The following AKAP8 variants were observed in gnomAD, a reference collection of about 807,000 sequenced individuals.
AKAP8 encodes A-kinase anchor protein 8.
Under a neutral mutation model 67.5 loss-of-function variants are expected in AKAP8, and 24 were observed. That is an observed-to-expected ratio of 0.36 (90% CI 0.26 to 0.50). The LOEUF is 0.50. AKAP8 is among the 20% of genes least tolerant of loss of function. The probability of loss-of-function intolerance (pLI) is 0.97; values close to 1 mark genes in which losing one functional copy is unlikely to be tolerated. For missense variants in AKAP8, 971 were observed against 955.9 expected (o/e 1.02, Z -0.21); for synonymous variants, 400 against 371.1 (o/e 1.08, Z -0.90).
intron 3 of AKAP8, 23 bp downstream of exon 3, chr19:15,374,580 A>T: frequency 1.3e-6 from 2 of 1,552,502 alleles, no homozygotes; most frequent in Non-Finnish European, 1.8e-6. Context: ...CCGCCCACAG[A>T]CCCCCCCCAC....
intron 2 of AKAP8, among the ~76,000 whole-genome samples, chr19:15,375,917 C>A (rs568983656): frequency 1.3e-5 from 2 of 151,644 alleles, no homozygotes; most frequent in Non-Finnish European, 2.9e-5. Context: ...GGATTACAGG[C>A]GTGAGCCACC....
chr19:15,375,837 A>T (rs182409733), intron 2 of AKAP8, among the ~76,000 whole-genome samples: 5,849 of 151,562 alleles, frequency 0.039, 366 homozygotes, highest in African/African-American at 0.13. Flanking sequence ...ACGGGGTTTC[A>T]CTGTGTTAGC....
chr19:15,355,600 G>A (rs1335766829), intron 13 of AKAP8, among the ~76,000 whole-genome samples: 1 of 151,756 alleles, frequency 6.6e-6, no homozygotes, highest in East Asian at 1.9e-4. Flanking sequence ...CTGTTGCCCA[G>A]GCTGGACTGC....
Position 15,369,868 on chromosome 19 carries a change from T to A in AKAP8, c.1072+278A>T, listed in dbSNP as rs1187155296. On this transcript the variant is annotated intron_variant, in intron 8 of 13. Coordinates refer to ENST00000269701, the MANE Select transcript of AKAP8 (RefSeq NM_005858.4). The surrounding 1 kb of genome is among the most constrained non-coding windows in gnomAD (Gnocchi z 4.6). The stretch of plus-strand genomic sequence containing the variant: ...CTCATGTTTCTCCTTCCCTACAAAC[T>A]TCGACTGTGGTGGACACCCAAGGCT... Among the ~76,000 whole-genome samples the A allele has an allele frequency of 6.6e-6, 1 of 152,216 alleles. No individual in the cohort carries two copies. The highest frequency in any genetic ancestry group is 1.9e-4 in the East Asian group (1 of 5,200).
intron 12 of AKAP8, among the ~76,000 whole-genome samples, chr19:15,360,142 A>AT (rs899489437): frequency 6.6e-6 from 1 of 152,076 alleles, no homozygotes; most frequent in Non-Finnish European, 1.5e-5. Flanking sequence ...TAAAAAAAAA[A>AT]CAAAAAAACA....
intron 1 of AKAP8, 28 bp downstream of exon 1, chr19:15,379,685 C>T (rs767384506): frequency 1.9e-6 from 3 of 1,605,050 alleles, no homozygotes; most frequent in African/African-American, 1.3e-5. Context: ...CTTCCCTCCC[C>T]GCTCCGCACC....
At chr19:15,361,162 T>G (rs1016156739) in intron 11 of AKAP8, among the ~76,000 whole-genome samples, 184 bp from the exon 12 acceptor site, 3 of 152,162 alleles carry the variant, frequency 2.0e-5, no homozygotes, top group Non-Finnish European at 2.9e-5. Context: ...ACTTTTCAGC[T>G]TTTCTGTTCC....
intron 12 of AKAP8, among the ~76,000 whole-genome samples, chr19:15,359,438 T>C (rs1038901942): frequency 1.3e-5 from 2 of 152,218 alleles, no homozygotes; most frequent in Non-Finnish European, 2.9e-5. Flanking sequence ...AGTATGAATA[T>C]GCTGGGTGTG....
chr19:15,356,609 G>A (rs927688698), intron 13 of AKAP8, among the ~76,000 whole-genome samples: 1 of 151,976 alleles, frequency 6.6e-6, no homozygotes, highest in Non-Finnish European at 1.5e-5. Flanking sequence ...ATCCAAGTCT[G>A]ACTCCCTCAG....
At position 15,373,047 on chromosome 19, in the gene AKAP8, G is replaced by T; in HGVS notation, c.665C>A (p.Thr222Lys). Residue 222 changes from threonine (T) to lysine (K), a missense_variant, in exon 5 of 14, where the codon ACG becomes AAG. By Grantham distance (78) the Thr-to-Lys change is moderately conservative. This residue lies in a region of AKAP8 where 763 missense variants were observed against 745.4 expected (regional missense o/e 1.02). Transcript: ENST00000269701. Reference sequence around the variant, plus strand: ...CACGTAGTTCAGCTCGTTCCAGGGCGTGGACAGGGGCTCAGAGGACGCAGC... The same window carrying T: ...CACGTAGTTCAGCTCGTTCCAGGGCTTGGACAGGGGCTCAGAGGACGCAGC... ...PPAASSEPLS[T>K]PWNELNYVGG... The T allele has an allele frequency of 6.2e-7, 1 of 1,602,634 alleles. No individual in the cohort carries two copies. Among genetic ancestry groups the T allele is most frequent in the Non-Finnish European group, 8.5e-7 (1 of 1,173,274 alleles).
chr19:15,375,946 T>C (rs1967245363), intron 2 of AKAP8, among the ~76,000 whole-genome samples: 1 of 151,582 alleles, frequency 6.6e-6, no homozygotes, highest in East Asian at 2.0e-4. Context: ...CCTTTTTTTT[T>C]TTGAGACAGG....
chr19:15,376,862 A>C (rs981346692), intron 2 of AKAP8, 114 bp downstream of exon 2: 2 of 1,222,528 alleles, frequency 1.6e-6, no homozygotes, highest in Middle Eastern at 2.1e-4. Context: ...CTTTTACACA[A>C]AGTTTGCTGA....
chr19:15,360,712 G>C, intron 12 of AKAP8, 136 bp downstream of exon 12: 1 of 1,120,434 alleles, frequency 8.9e-7, no homozygotes, highest in Non-Finnish European at 1.2e-6. Flanking sequence ...CGAATCTTAC[G>C]ACCCATCGAT....
Position 15,358,959 on chromosome 19 carries a change from G to A in AKAP8, c.1623+8C>T. On this transcript the variant is annotated splice_region_variant and intron_variant, in intron 13 of 13. Coordinates refer to ENST00000269701, the MANE Select transcript of AKAP8 (RefSeq NM_005858.4). The stretch of plus-strand genomic sequence containing the variant: ...CTTTTCCTGTCTGTGGTACTTGCAA[G>A]CACAAACCTTGAGGTATTTTTCCAG... The A allele has an allele frequency of 6.2e-7, 1 of 1,613,388 alleles. No homozygotes were observed. Among genetic ancestry groups the A allele is most frequent in the Non-Finnish European group, 8.5e-7 (1 of 1,179,372 alleles).
intron 9 of AKAP8, among the ~76,000 whole-genome samples, chr19:15,363,353 T>TGG (rs745575610): frequency 0.033 from 3,506 of 104,920 alleles, 145 homozygotes; most frequent in Non-Finnish European, 0.045. Flanking sequence ...GGGAGGGAGG[T>TGG]GGGGGGGGGT....
chr19:15,368,990 G>A (rs1433372723), intron 8 of AKAP8: 4 of 985,996 alleles, frequency 4.1e-6, no homozygotes, highest in South Asian at 4.7e-5. Flanking sequence ...GGAGAGCCAC[G>A]CGGCCATCAT....
intron 4 of AKAP8, 35 bp downstream of exon 4, chr19:15,373,751 T>C (rs1452484861): frequency 1.3e-6 from 2 of 1,578,700 alleles, no homozygotes; most frequent in East Asian, 2.2e-5. Context: ...TGGGGATGTG[T>C]GGGGTCCCGG....
At chr19:15,372,407 A>G (rs775998926) in intron 5 of AKAP8, 60 bp from the exon 6 acceptor site, 70 of 1,595,186 alleles carry the variant, frequency 4.4e-5, no homozygotes, top group Non-Finnish European at 5.8e-5. Context: ...TGCCCCACAG[A>G]AAAGAACAAG....
Position 15,353,433 on chromosome 19 carries a change from A to G in AKAP8, c.*1482T>C, listed in dbSNP as rs932525398. ...CTACCGACATTTTTGCCTTAAGAGA[A>G]CAAGCTTAAAAGGCATGCTCACCCT... On this transcript the variant is annotated 3_prime_UTR_variant, in exon 14 of 14. Coordinates refer to ENST00000269701, the MANE Select transcript of AKAP8 (RefSeq NM_005858.4). The G allele has an allele frequency of 2.0e-5, 3 of 151,550 alleles. No individual in the cohort carries two copies. Among genetic ancestry groups the G allele is most frequent in the Non-Finnish European group, 4.4e-5 (3 of 67,958 alleles). 9.4% of individuals were successfully genotyped at this position (151,550 alleles called of 1,614,324 possible). A position where few individuals can be genotyped will look rare whatever the true frequency, so the allele number is the denominator to read the frequency against.
Sources: gnomAD v4.1 joint callset for allele counts (sites outside exome capture counted in the v4.1 genomes callset) on GRCh38, gnomAD v4.1.1 for gene constraint, gnomAD v4.1.1 regional missense constraint, Gnocchi (gnomAD v3.1) non-coding constraint, MANE v1.5 for transcripts, NCBI Gene and HGNC (gene_info 2026-07-23, HGNC 2026-07-21) for gene names.